CDCA8: variants seen among roughly 807,000 people sequenced by gnomAD.
CDCA8 encodes the protein borealin.
A neutral mutation model predicts 40.0 loss-of-function variants in CDCA8; 25 were observed. The ratio of observed to expected loss-of-function variants is 0.63; its 90% confidence interval spans 0.46 to 0.87. The LOEUF (loss-of-function observed/expected upper bound fraction) is 0.87. CDCA8 is among the 40% of genes least tolerant of loss of function. The pLI, the probability that CDCA8 is intolerant of heterozygous loss-of-function variation, is 0.00. For synonymous variants in CDCA8, 111 were observed against 126.5 expected, an observed-to-expected ratio of 0.88 and a Z score of 0.82; for missense variants, 280 against 348.4, an observed-to-expected ratio of 0.80 and a Z score of 1.56.
In CDCA8 at chr1:37,705,568, G is replaced by T. The variant is rs775437715; in HGVS notation, c.711+1G>T. On this transcript the variant is annotated splice_donor_variant, in intron 8 of 9. Coordinates refer to ENST00000373055, the MANE Select transcript of CDCA8 (RefSeq NM_001256875.2). LOFTEE classifies it high-confidence loss of function. ...CACTGTGCCAGTGGGCGGCGGAGAG[G>T]TGAAGTATTTCCAAGGGAAGCCAGG... 1 of 1,612,146 alleles carries T rather than the reference G, an allele frequency of 6.2e-7. No individual in the cohort carries two copies. The highest frequency in any genetic ancestry group is 8.5e-7 in the Non-Finnish European group (1 of 1,179,242).
Position 37,703,283 on chromosome 1 carries a change from G to A in CDCA8, c.520G>A (p.Val174Met), listed in dbSNP as rs773619945. 4.0e-5 allele frequency: 64 copies of A among 1,613,810 alleles called. No individual in the cohort carries two copies. The highest frequency in any genetic ancestry group is 6.7e-5 in the Admixed American group (4 of 60,004). The part of the protein sequence containing the change: ...SSRANTVTPA[V>M]GRLEVSMVKP... ...CCGTGCTAACACTGTTACCCCAGCCGTGGGCCGATTGGAGGTGTCCATGGT... is the reference window on the plus strand; with the variant it reads ...CCGTGCTAACACTGTTACCCCAGCCATGGGCCGATTGGAGGTGTCCATGGT... Residue 174 changes from valine to methionine, a missense_variant, in exon 7 of 10, where the codon GTG (valine) becomes ATG (methionine). Val to Met is a conservative substitution (Grantham distance 21). Coordinates refer to ENST00000373055, the MANE Select transcript of CDCA8 (RefSeq NM_001256875.2).
intron 4 of CDCA8, among the ~76,000 whole-genome samples, chr1:37,700,123 C>A (rs1645554048): frequency 6.6e-6 from 1 of 152,082 alleles, no homozygotes; most frequent in Non-Finnish European, 1.5e-5. Context: ...TTTGATGCAT[C>A]CAATTCTTAT....
intron 3 of CDCA8, 57 bp from the exon 4 acceptor site, chr1:37,698,848 T>C: frequency 8.7e-7 from 1 of 1,146,752 alleles, no homozygotes; most frequent in Non-Finnish European, 1.3e-6. Flanking sequence ...TCTTGAAATA[T>C]TGTTCCTCAT....
intron 4 of CDCA8, among the ~76,000 whole-genome samples, chr1:37,700,047 A>C (rs1452822419): frequency 2.0e-5 from 3 of 152,228 alleles, no homozygotes; most frequent in Non-Finnish European, 2.9e-5. Context: ...TTGACTAGTG[A>C]GCAAGGAATC....
intron 1 of CDCA8, 32 bp from the exon 2 acceptor site, chr1:37,692,873 A>ACCCGTGT: frequency 6.2e-7 from 1 of 1,613,372 alleles, no homozygotes; most frequent in Admixed American, 1.7e-5. Flanking sequence ...CCCGCCCGTG[A>ACCCGTGT]CCCGTGTCCT....
chr1:37,692,739 C>A lies in CDCA8; in HGVS notation c.49C>A (p.Arg17=), dbSNP rs1645477448. Residue 17 remains arginine (R), a synonymous_variant, in exon 1 of 10, where the codon CGG becomes AGG. Coordinates refer to ENST00000373055, the MANE Select transcript of CDCA8 (RefSeq NM_001256875.2). ...TCGGGTGGCCAAGACCAACTCCTTA[C>A]GGAGGCGGAAGCTCGCCTCCTTTCT... ...SSRVAKTNSL[R]RRKLASFLKD... 5 of 1,613,370 alleles carry A rather than the reference C, an allele frequency of 3.1e-6. No homozygotes were observed. In the African/African-American group the frequency reaches 5.3e-5, roughly 17 times the overall value.
Position 37,709,435 on chromosome 1 carries a change from C to T in CDCA8, c.*1069C>T, listed in dbSNP as rs1237852162. 2.6e-4 allele frequency: 40 copies of T among 152,122 alleles called. No homozygotes were observed. The highest frequency in any genetic ancestry group is 2.6e-3 in the Admixed American group (40 of 15,274). The allele number at this position is 152,122 out of a possible 1,614,324, so 9.4% of individuals were successfully genotyped here. ...AGCCAGCCTCTCTGCCCTGGAGAATCATGTGCTATGTTCTAAGAATTTGAG... is the reference window on the plus strand; with the variant it reads ...AGCCAGCCTCTCTGCCCTGGAGAATTATGTGCTATGTTCTAAGAATTTGAG... On this transcript the variant is annotated 3_prime_UTR_variant, in exon 10 of 10. Transcript: ENST00000373055.
At chr1:37,701,683 A>AC (rs1645565025) in intron 5 of CDCA8, 71 bp from the exon 6 acceptor site, 6 of 1,016,196 alleles carry the variant, frequency 5.9e-6, no homozygotes, top group South Asian at 5.9e-5. Flanking sequence ...TAAAAAAAAA[A>AC]AAAAAACCCT....
At chr1:37,706,938 A>G in intron 8 of CDCA8, 40 bp from the exon 9 acceptor site, 1 of 1,551,724 alleles carries the variant, frequency 6.4e-7, no homozygotes, top group Non-Finnish European at 8.9e-7. Flanking sequence ...TCCGGCCCTA[A>G]GGGCCATGGC....
In CDCA8 at chr1:37,692,799, C is replaced by A; in HGVS notation, c.94+15C>A. 6.2e-7 allele frequency: 1 copy of A among 1,613,024 alleles called. No individual in the cohort carries two copies. Among genetic ancestry groups the A allele is most frequent in the South Asian group, 1.1e-5 (1 of 91,058 alleles). On this transcript the variant is annotated intron_variant, in intron 1 of 9. Coordinates refer to ENST00000373055, the MANE Select transcript of CDCA8 (RefSeq NM_001256875.2). ...CGACCGTGAAGGTAAGGGGCCAGGCCGTCGCGGCCTCCTGGGGCGGTCGCG... is the reference window on the plus strand; with the variant it reads ...CGACCGTGAAGGTAAGGGGCCAGGCAGTCGCGGCCTCCTGGGGCGGTCGCG...
intron 7 of CDCA8, among the ~76,000 whole-genome samples, chr1:37,705,136 A>C (rs1035069771): frequency 6.6e-6 from 1 of 152,170 alleles, no homozygotes; most frequent in African/African-American, 2.4e-5. Context: ...ACAATTAACC[A>C]GCGTATTTCT....
At chr1:37,705,599 G>A in intron 8 of CDCA8, 32 bp downstream of exon 8, 1 of 1,610,848 alleles carries the variant, frequency 6.2e-7, no homozygotes, top group Non-Finnish European at 8.5e-7. Flanking sequence ...CCAGGCCACA[G>A]TGTGCTGCTT....
chr1:37,701,769 C>A lies in CDCA8; in HGVS notation c.439C>A (p.Pro147Thr). 6.2e-7 allele frequency: 1 copy of A among 1,612,782 alleles called. No individual in the cohort carries two copies. Among genetic ancestry groups the A allele is most frequent in the South Asian group, 1.1e-5 (1 of 91,046 alleles). Residue 147 changes from proline to threonine, a missense_variant, in exon 6 of 10, where the codon CCA becomes ACA. By Grantham distance (38) the Pro-to-Thr change is conservative. Transcript: ENST00000373055. ...LQTARVKRCP[P>T]SKKRTQSIQG... ...GTGACTGCAGGTCAAAAGGTGTCCT[C>A]CATCCAAGAAGAGAACTCAGTCCAT...
intron 7 of CDCA8, 127 bp from the exon 8 acceptor site, chr1:37,705,314 A>T: frequency 1.3e-6 from 1 of 760,626 alleles, no homozygotes; most frequent in Non-Finnish European, 2.2e-6. Context: ...CTAAATTTAG[A>T]ACGTGCTTTC....
chr1:37,704,508 T>C (rs781139154), intron 7 of CDCA8, among the ~76,000 whole-genome samples: 1 of 152,154 alleles, frequency 6.6e-6, no homozygotes, highest in Non-Finnish European at 1.5e-5. Context: ...TTTGGTTTTA[T>C]ATACATACAA....
At chr1:37,695,156 G>A (rs1645517299) in intron 2 of CDCA8, among the ~76,000 whole-genome samples, 1 of 151,914 alleles carries the variant, frequency 6.6e-6, no homozygotes, top group Non-Finnish European at 1.5e-5. Flanking sequence ...TTTGAGACCA[G>A]CCTGGGCAAC....
chr1:37,699,023 T>A lies in CDCA8; in HGVS notation c.337+46T>A, dbSNP rs778270863. 3.6e-6 allele frequency: 5 copies of A among 1,379,974 alleles called. No individual in the cohort carries two copies. In the African/African-American group the frequency reaches 7.1e-5, roughly 20 times the overall value. 85.5% of individuals were successfully genotyped at this position (1,379,974 alleles called of 1,614,324 possible). On this transcript the variant is annotated intron_variant, in intron 4 of 9. Coordinates refer to ENST00000373055, the MANE Select transcript of CDCA8 (RefSeq NM_001256875.2). ...CTTGTTGTACAGAAAGAACTGAGGC[T>A]CAGGTTGCTTGGTTGGCTGCTCAGG...
intron 7 of CDCA8, among the ~76,000 whole-genome samples, chr1:37,704,350 A>G (rs1645584666): frequency 6.6e-6 from 1 of 152,200 alleles, no homozygotes; most frequent in African/African-American, 2.4e-5. Flanking sequence ...AGCATAAGTT[A>G]ATACCTTCCA....
intron 9 of CDCA8, among the ~76,000 whole-genome samples, chr1:37,707,724 G>T (rs950256487): frequency 6.6e-6 from 1 of 152,222 alleles, no homozygotes; most frequent in Non-Finnish European, 1.5e-5. Context: ...GGAGGCTCAG[G>T]TGAGAGAAAT....
Sources: allele counts gnomAD v4.1 joint callset (sites outside exome capture counted in the v4.1 genomes callset), GRCh38; gene constraint gnomAD v4.1.1; transcripts MANE v1.5; gene names NCBI Gene and HGNC (gene_info 2026-07-23, HGNC 2026-07-21).